Variants in PCSK5 observed in about 807,000 individuals in gnomAD.
PCSK5 encodes proprotein convertase subtilisin/kexin type 5.
PCSK5 carries 129 observed loss-of-function variants against 233.2 expected under a neutral mutation model. The ratio of observed to expected loss-of-function variants is 0.55; its 90% CI spans 0.48 to 0.64. PCSK5 has a LOEUF of 0.64. PCSK5 is among the 30% of genes least tolerant of loss of function. The probability of loss-of-function intolerance (pLI) is 0.00; values close to 1 mark genes in which losing one functional copy is unlikely to be tolerated. For missense variants in PCSK5, 2,076 were observed against 2,430.1 expected (o/e 0.85, Z 3.06); for synonymous variants, 825 against 879.2 (o/e 0.94, Z 1.09).
chr9:76,136,431 A>G lies in PCSK5; in HGVS notation c.1312+2219A>G, dbSNP rs369681796. 3.2e-4 allele frequency among the ~76,000 whole-genome samples: 48 copies of G among 152,118 alleles called. 1 individual carries two copies. In the South Asian group the frequency reaches 9.8e-3, roughly 31 times the overall value. On this transcript the variant is annotated intron_variant, in intron 10 of 37. Transcript: ENST00000674117. Reference sequence around the variant, plus strand: ...AACAATAAAGAGCTAATGGTTAGAAAAGGTTCCTACAACAAGAGCTCAACA... The same window carrying G: ...AACAATAAAGAGCTAATGGTTAGAAGAGGTTCCTACAACAAGAGCTCAACA...
chr9:76,288,465 CTT>C (rs1388630172), intron 24 of PCSK5, among the ~76,000 whole-genome samples: 1 of 152,142 alleles, frequency 6.6e-6, no homozygotes, highest in African/African-American at 2.4e-5. Flanking sequence ...TCACAAGTAT[CTT>C]TTTCCAGTGA....
chr9:76,251,691 C>T (rs2131345723), intron 24 of PCSK5, among the ~76,000 whole-genome samples: 1 of 151,894 alleles, frequency 6.6e-6, no homozygotes, highest in East Asian at 1.9e-4. Flanking sequence ...TGAATACTTA[C>T]TAATGTGCCA....
chr9:75,950,153 C>T (rs112273745), intron 2 of PCSK5, among the ~76,000 whole-genome samples: 12 of 55,220 alleles, frequency 2.2e-4, no homozygotes, highest in South Asian at 5.8e-4. Flanking sequence ...GTGGGGGGGG[C>T]GGGGAGGGGG....
intron 9 of PCSK5, among the ~76,000 whole-genome samples, chr9:76,130,393 T>C (rs1271861819): frequency 6.6e-6 from 1 of 152,200 alleles, no homozygotes; most frequent in African/African-American, 2.4e-5. Context: ...AATAGTGTTA[T>C]ATGGTGATTG....
chr9:76,166,082 A>G (rs1458336993), intron 12 of PCSK5, among the ~76,000 whole-genome samples: 1 of 152,258 alleles, frequency 6.6e-6, no homozygotes, highest in East Asian at 1.9e-4. Context: ...AACAATGTGT[A>G]CTTATAAAGG....
At chr9:75,952,850 T>C (rs1402402931) in intron 2 of PCSK5, among the ~76,000 whole-genome samples, 1 of 152,230 alleles carries the variant, frequency 6.6e-6, no homozygotes, top group Non-Finnish European at 1.5e-5. Flanking sequence ...TCATGGCTTG[T>C]TGATCCATTC....
intron 27 of PCSK5, 83 bp downstream of exon 27, chr9:76,296,948 T>C (rs1235375534): frequency 1.1e-6 from 1 of 875,932 alleles, no homozygotes; most frequent in African/African-American, 1.7e-5. Context: ...TTTTTTTAGT[T>C]ATCCAGGAGA....
At chr9:76,327,297 G>A (rs983050892) in intron 32 of PCSK5, among the ~76,000 whole-genome samples, 1 of 151,840 alleles carries the variant, frequency 6.6e-6, no homozygotes, top group Non-Finnish European at 1.5e-5. Context: ...TCTAGAGACA[G>A]TGTCTTGCCA....
chr9:76,162,915 G>T (rs1822930131), intron 12 of PCSK5, among the ~76,000 whole-genome samples: 2 of 152,164 alleles, frequency 1.3e-5, no homozygotes. Flanking sequence ...CTTTGAAGCA[G>T]CTCCTCTGCT....
intron 9 of PCSK5, among the ~76,000 whole-genome samples, chr9:76,124,844 T>C (rs774325935): frequency 2.6e-5 from 4 of 151,930 alleles, no homozygotes; most frequent in Non-Finnish European, 4.4e-5. Flanking sequence ...TCCATGTCAA[T>C]TTACTCTTTC....
chr9:76,012,186 A>G (rs1418823582), intron 3 of PCSK5, among the ~76,000 whole-genome samples: 1 of 152,242 alleles, frequency 6.6e-6, no homozygotes, highest in Non-Finnish European at 1.5e-5. Context: ...TATAACTGTA[A>G]TGTAACTGCC....
chr9:76,318,721 T>C (rs1185626242), intron 30 of PCSK5, among the ~76,000 whole-genome samples: 1 of 152,172 alleles, frequency 6.6e-6, no homozygotes, highest in East Asian at 1.9e-4. Flanking sequence ...ATGTATGCAT[T>C]TGAAAAAAGT....
At chr9:76,145,312 G>A (rs1426965638) in intron 10 of PCSK5, among the ~76,000 whole-genome samples, 2 of 152,102 alleles carry the variant, frequency 1.3e-5, no homozygotes, top group East Asian at 1.9e-4. Context: ...GAATTCAAAT[G>A]TATGATTCTT....
intron 2 of PCSK5, among the ~76,000 whole-genome samples, chr9:75,948,108 A>C (rs1433206244): frequency 6.6e-6 from 1 of 152,062 alleles, no homozygotes; most frequent in Non-Finnish European, 1.5e-5. Context: ...CAGACTCCCA[A>C]AGTGTTGGAA....
At chr9:76,060,741 A>G (rs1046473096) in intron 5 of PCSK5, among the ~76,000 whole-genome samples, 1 of 152,194 alleles carries the variant, frequency 6.6e-6, no homozygotes, top group Non-Finnish European at 1.5e-5. Flanking sequence ...GAGGATTGAT[A>G]ACGTTAGACT....
chr9:76,314,964 AT>A (rs570760326), intron 30 of PCSK5, among the ~76,000 whole-genome samples: 2,327 of 135,428 alleles, frequency 0.017, 30 homozygotes, highest in Middle Eastern at 0.053. Context: ...ACAGTAACGT[AT>A]TTTTTTTTTT....
intron 24 of PCSK5, among the ~76,000 whole-genome samples, chr9:76,279,815 C>G (rs1445603224): frequency 1.3e-5 from 2 of 150,920 alleles, no homozygotes; most frequent in Non-Finnish European, 3.0e-5. Context: ...GGATATTAGC[C>G]CTTTGTCAGA....
chr9:76,302,744 G>T (rs1828651606), intron 28 of PCSK5, among the ~76,000 whole-genome samples: 1 of 152,144 alleles, frequency 6.6e-6, no homozygotes, highest in Admixed American at 6.6e-5. Context: ...CAGGCAAGGT[G>T]ATAAACCGTG....
chr9:76,051,837 A>G (rs1208364711), intron 5 of PCSK5, among the ~76,000 whole-genome samples: 1 of 152,204 alleles, frequency 6.6e-6, no homozygotes, highest in African/African-American at 2.4e-5. Flanking sequence ...CAACGCTCCA[A>G]CCACATGGAG....
Sources: gnomAD v4.1 joint callset for allele counts (sites outside exome capture counted in the v4.1 genomes callset) on GRCh38, gnomAD v4.1.1 for gene constraint, MANE v1.5 for transcripts, NCBI Gene and HGNC (gene_info 2026-07-23, HGNC 2026-07-21) for gene names.